The following DACH1 variants were observed in gnomAD, a reference collection of about 807,000 sequenced individuals.
DACH1 encodes the protein dachshund family transcription factor 1.
In DACH1, 12 loss-of-function variants were observed where a neutral mutation model predicts 54.2. The ratio of observed to expected loss-of-function variants is 0.22; its 90% CI spans 0.14 to 0.36. The LOEUF (loss-of-function observed/expected upper bound fraction) is 0.36, where lower values mean the gene tolerates loss of function less well. Among genes scored for constraint, DACH1 ranks in the 10% least tolerant of loss-of-function variants. The probability of loss-of-function intolerance (pLI) is 1.00; values close to 1 mark genes in which losing one functional copy is unlikely to be tolerated. For missense variants in DACH1, 805 were observed against 929.8 expected (o/e 0.87, Z 1.75); for synonymous variants, 386 against 366.2 (o/e 1.05, Z -0.62).
At chr13:71,779,147 ACACATATATAC>A (rs1266335713) in intron 1 of DACH1, among the ~76,000 whole-genome samples, 31 of 135,300 alleles carry the variant, frequency 2.3e-4, no homozygotes, top group African/African-American at 8.6e-4. Context: ...ACACATATAT[ACACATATATAC>A]GTATATACGT....
At chr13:71,822,471 T>C (rs1170655354) in intron 1 of DACH1, among the ~76,000 whole-genome samples, 1 of 152,212 alleles carries the variant, frequency 6.6e-6, no homozygotes, top group East Asian at 1.9e-4. Context: ...TCATCATTCT[T>C]GTGTATCTCG....
chr13:71,607,525 A>T (rs926857088), intron 3 of DACH1, among the ~76,000 whole-genome samples: 1 of 152,052 alleles, frequency 6.6e-6, no homozygotes, highest in East Asian at 1.9e-4. Context: ...TTCAAAGCCA[A>T]GTGTACCTCT....
At chr13:71,824,508 T>C (rs1888308462) in intron 1 of DACH1, among the ~76,000 whole-genome samples, 1 of 151,928 alleles carries the variant, frequency 6.6e-6, no homozygotes, top group South Asian at 2.1e-4. Flanking sequence ...ACCCAGCACA[T>C]GGCAGGGACT....
Position 71,567,441 on chromosome 13 carries a change from CA to C in DACH1, c.1299+5398del, listed in dbSNP as rs563083543. Among the ~76,000 whole-genome samples the C allele has an allele frequency of 9.4e-5, 14 of 148,734 alleles. No homozygotes were observed. In the East Asian group the frequency reaches 2.2e-3, roughly 23 times the overall value. ...TTTTTATTAGGTAAAATGAGCAGAA[CA>C]AAAAAAAATAGAAAGTCAGAGAGAC... On this transcript the variant is annotated intron_variant, in intron 4 of 10. Transcript: ENST00000613252.
At chr13:71,472,787 G>A (rs1280525825) in intron 10 of DACH1, among the ~76,000 whole-genome samples, 1 of 152,174 alleles carries the variant, frequency 6.6e-6, no homozygotes, top group Non-Finnish European at 1.5e-5. Flanking sequence ...TTAGTAATGA[G>A]TTCTGGTTCT....
At chr13:71,810,861 T>C (rs1472592136) in intron 1 of DACH1, among the ~76,000 whole-genome samples, 2 of 152,162 alleles carry the variant, frequency 1.3e-5, no homozygotes, top group Non-Finnish European at 2.9e-5. Context: ...ATTCTTTAAT[T>C]TGTGTGTTTT....
At chr13:71,605,353 GAAAC>G (rs537603007) in intron 3 of DACH1, among the ~76,000 whole-genome samples, 148 of 151,714 alleles carry the variant, frequency 9.8e-4, no homozygotes, top group African/African-American at 3.5e-3. Context: ...ATATTTGAAA[GAAAC>G]AAATGAAATA....
chr13:71,771,335 A>C lies in DACH1; in HGVS notation c.849-89425T>G, dbSNP rs534629291. 5.7e-3 allele frequency among the ~76,000 whole-genome samples: 863 copies of C among 150,774 alleles called. 11 individuals carry two copies. Among genetic ancestry groups the C allele is most frequent in the African/African-American group, 0.02 (815 of 41,362 alleles). On this transcript the variant is annotated intron_variant, in intron 1 of 10. Coordinates refer to ENST00000613252, the MANE Select transcript of DACH1 (RefSeq NM_080759.6). ...CAAAAGGATAAATAAATAAATAAAT[A>C]AATAAATAAATAAATAAATAAATCT...
At chr13:71,748,898 C>CTTTCTTTCTTTCTCTT (rs1368876638) in intron 1 of DACH1, among the ~76,000 whole-genome samples, 2 of 39,618 alleles carry the variant, frequency 5.0e-5, no homozygotes, top group African/African-American at 7.8e-5. Context: ...TTCTTTCTTT[C>CTTTCTTTCTTTCTCTT]TCTTTCTTTC....
At chr13:71,554,725 G>A (rs1033265682) in intron 6 of DACH1, among the ~76,000 whole-genome samples, 10 of 152,140 alleles carry the variant, frequency 6.6e-5, no homozygotes, top group African/African-American at 1.9e-4. Context: ...CATTCTAGTA[G>A]TGGAAGGATA....
At chr13:71,863,861 C>A (rs1275434570) in intron 1 of DACH1, among the ~76,000 whole-genome samples, 1 of 146,492 alleles carries the variant, frequency 6.8e-6, no homozygotes, top group African/African-American at 2.5e-5. Flanking sequence ...AAGAGGATAC[C>A]GAGGAGAGTA....
intron 7 of DACH1, among the ~76,000 whole-genome samples, chr13:71,485,061 T>TA (rs1226204241): frequency 1.1e-3 from 158 of 141,832 alleles, no homozygotes; most frequent in African/African-American, 2.7e-3. Flanking sequence ...GTCTTAAATT[T>TA]AAAAAAAAAA....
chr13:71,504,460 G>C (rs1396955076), intron 6 of DACH1, among the ~76,000 whole-genome samples: 1 of 152,052 alleles, frequency 6.6e-6, no homozygotes, highest in Non-Finnish European at 1.5e-5. Flanking sequence ...ATGCATTCAA[G>C]GTAAAAGACA....
intron 4 of DACH1, among the ~76,000 whole-genome samples, chr13:71,562,994 C>G (rs1884683100): frequency 1.3e-5 from 2 of 152,012 alleles, no homozygotes; most frequent in African/African-American, 4.8e-5. Flanking sequence ...AGAAACAATA[C>G]TGCAGCTAAC....
chr13:71,519,993 T>C (rs1881472851), intron 6 of DACH1, among the ~76,000 whole-genome samples: 1 of 147,210 alleles, frequency 6.8e-6, no homozygotes, highest in Non-Finnish European at 1.5e-5. Flanking sequence ...ATTTATATGG[T>C]CACCACCACA....
intron 1 of DACH1, among the ~76,000 whole-genome samples, chr13:71,707,668 T>C (rs1284830599): frequency 6.6e-6 from 1 of 152,180 alleles, no homozygotes; most frequent in Non-Finnish European, 1.5e-5. Flanking sequence ...TCCAAGGGCC[T>C]TAAAAGCCTA....
chr13:71,742,299 A>G (rs1248832131), intron 1 of DACH1, among the ~76,000 whole-genome samples: 1 of 152,168 alleles, frequency 6.6e-6, no homozygotes, highest in African/African-American at 2.4e-5. Flanking sequence ...CCCACAGATT[A>G]GTTGGAACCC....
At chr13:71,604,964 C>T (rs1274357591) in intron 3 of DACH1, among the ~76,000 whole-genome samples, 2 of 151,574 alleles carry the variant, frequency 1.3e-5, no homozygotes, top group Non-Finnish European at 2.9e-5. Context: ...GTTTTTATTC[C>T]CCCATTGACA....
intron 3 of DACH1, among the ~76,000 whole-genome samples, chr13:71,581,778 T>G (rs1593931856): frequency 6.6e-6 from 1 of 152,326 alleles, no homozygotes; most frequent in East Asian, 1.9e-4. Context: ...GTATATATCA[T>G]GTACTTAAAA....
Sources: allele counts gnomAD v4.1 joint callset (sites outside exome capture counted in the v4.1 genomes callset), GRCh38; gene constraint gnomAD v4.1.1; transcripts MANE v1.5; gene names NCBI Gene and HGNC (gene_info 2026-07-23, HGNC 2026-07-21).